Variants in PCDH7 observed in about 807,000 individuals in gnomAD.
PCDH7 encodes protocadherin 7.
Under a neutral mutation model 58.9 loss-of-function variants are expected in PCDH7, and 17 were observed. That is an observed-to-expected ratio of 0.29 (90% CI 0.20 to 0.43). The LOEUF (loss-of-function observed/expected upper bound fraction) is 0.43, where lower values mean the gene tolerates loss of function less well. Ranked by LOEUF, PCDH7 falls within the 20% of genes least tolerant of loss-of-function variation. The probability of loss-of-function intolerance (pLI) is 1.00; values close to 1 mark genes in which losing one functional copy is unlikely to be tolerated. For synonymous variants in PCDH7, 664 were observed against 616.4 expected (o/e 1.08, Z -1.14); for missense variants, 1,274 against 1,441.0 (o/e 0.88, Z 1.88).
intron 3 of PCDH7, among the ~76,000 whole-genome samples, chr4:30,997,129 A>C (rs966490980): frequency 4.0e-5 from 6 of 151,346 alleles, no homozygotes; most frequent in African/African-American, 1.5e-4. Context: ...AAAGCTTTGC[A>C]TTATTTCCAC....
intron 3 of PCDH7, among the ~76,000 whole-genome samples, chr4:30,973,458 A>G (rs972880895): frequency 1.3e-5 from 2 of 152,226 alleles, no homozygotes; most frequent in African/African-American, 4.8e-5. Context: ...TTTTGGAATA[A>G]AAGACTACCA....
chr4:31,102,191 C>A (rs992396787), intron 3 of PCDH7, among the ~76,000 whole-genome samples: 7 of 144,450 alleles, frequency 4.8e-5, no homozygotes, highest in African/African-American at 1.8e-4. Context: ...TATTATGATC[C>A]TTTTTTTTTT....
chr4:30,782,785 A>G (rs1460244774), intron 1 of PCDH7, among the ~76,000 whole-genome samples: 1 of 152,222 alleles, frequency 6.6e-6, no homozygotes, highest in Non-Finnish European at 1.5e-5. Context: ...AGCAAGGCCT[A>G]CTTGTTCAGA....
intron 2 of PCDH7, among the ~76,000 whole-genome samples, chr4:30,945,137 T>A (rs1578376780): frequency 6.6e-6 from 1 of 152,104 alleles, no homozygotes; most frequent in Non-Finnish European, 1.5e-5. Flanking sequence ...TAAATAAGAT[T>A]AATGAGCATC....
intron 1 of PCDH7, among the ~76,000 whole-genome samples, chr4:30,904,406 CCTT>C (rs1313191151): frequency 6.6e-6 from 1 of 152,158 alleles, no homozygotes; most frequent in African/African-American, 2.4e-5. Flanking sequence ...CATCCCCTGA[CCTT>C]CTTTTCTGTC....
intron 3 of PCDH7, among the ~76,000 whole-genome samples, chr4:31,096,290 TACCA>T (rs1332193335): frequency 6.6e-6 from 1 of 152,198 alleles, no homozygotes; most frequent in Non-Finnish European, 1.5e-5. Context: ...GTTTACCTTT[TACCA>T]AGTTTTGAGT....
chr4:30,813,193 A>G (rs545048820), intron 1 of PCDH7, among the ~76,000 whole-genome samples: 13 of 152,338 alleles, frequency 8.5e-5, no homozygotes, highest in African/African-American at 2.9e-4. Context: ...ATTGCAATCT[A>G]TGTTTACTAA....
chr4:30,812,558 A>G (rs1189607052), intron 1 of PCDH7, among the ~76,000 whole-genome samples: 1 of 152,172 alleles, frequency 6.6e-6, no homozygotes, highest in Non-Finnish European at 1.5e-5. Context: ...TACAATTCAT[A>G]TTGATGAATT....
intron 3 of PCDH7, among the ~76,000 whole-genome samples, chr4:30,995,824 C>T (rs910561135): frequency 6.6e-6 from 1 of 152,118 alleles, no homozygotes; most frequent in Non-Finnish European, 1.5e-5. Flanking sequence ...ACTTCTAACA[C>T]TGAATCTCCC....
At position 31,126,701 on chromosome 4, in the gene PCDH7, T is replaced by G. The variant is rs76329184; in HGVS notation, c.*8-15772T>G. ...AAGATGACAAATTAGAAAGCAGAGA[T>G]TGCCAGTTTTGTCCATCTGATGATT... On this transcript the variant is annotated intron_variant, in intron 3 of 3. Coordinates refer to the PCDH7 transcript ENST00000509759. Among the ~76,000 whole-genome samples, 838 of 152,290 alleles carry G rather than the reference T, an allele frequency of 5.5e-3. 5 individuals carry two copies. Among genetic ancestry groups the G allele is most frequent in the Non-Finnish European group, 8.8e-3 (599 of 68,022 alleles).
chr4:31,122,215 C>G (rs1717773643), intron 3 of PCDH7, among the ~76,000 whole-genome samples: 1 of 152,060 alleles, frequency 6.6e-6, no homozygotes, highest in South Asian at 2.1e-4. Context: ...TTTAATCACA[C>G]CAAATCCCCA....
chr4:30,842,933 T>C (rs1259952457), intron 1 of PCDH7, among the ~76,000 whole-genome samples: 2 of 152,154 alleles, frequency 1.3e-5, no homozygotes, highest in Non-Finnish European at 2.9e-5. Context: ...CTTATTCTAT[T>C]GTTTTCCATC....
intron 3 of PCDH7, among the ~76,000 whole-genome samples, chr4:31,126,126 CTTTT>C (rs555596051): frequency 4.7e-5 from 6 of 128,338 alleles, no homozygotes; most frequent in African/African-American, 5.8e-5. Context: ...CATATCCTTT[CTTTT>C]TTTTTTTTTT....
At chr4:30,856,469 G>C (rs1733471076) in intron 1 of PCDH7, among the ~76,000 whole-genome samples, 1 of 151,972 alleles carries the variant, frequency 6.6e-6, no homozygotes. Context: ...AATAATTCAA[G>C]ATGATAGGAT....
intron 1 of PCDH7, among the ~76,000 whole-genome samples, chr4:30,917,614 A>G (rs1742644540): frequency 6.6e-6 from 1 of 151,958 alleles, no homozygotes; most frequent in Non-Finnish European, 1.5e-5. Context: ...ATATATAAAT[A>G]GATAAAAATA....
intron 1 of PCDH7, among the ~76,000 whole-genome samples, chr4:30,728,463 C>A (rs1714967979): frequency 6.6e-6 from 1 of 151,588 alleles, no homozygotes; most frequent in African/African-American, 2.4e-5. Flanking sequence ...CACAATGAAT[C>A]TGCATATGTT....
chr4:30,838,559 A>G (rs547531897), intron 1 of PCDH7, among the ~76,000 whole-genome samples: 9 of 152,308 alleles, frequency 5.9e-5, no homozygotes, highest in African/African-American at 2.2e-4. Context: ...GTGATCTATC[A>G]GAAAGCTTAT....
At chr4:30,864,354 C>T (rs1172561774) in intron 1 of PCDH7, among the ~76,000 whole-genome samples, 1 of 151,536 alleles carries the variant, frequency 6.6e-6, no homozygotes, top group Non-Finnish European at 1.5e-5. Flanking sequence ...AATTTATAGA[C>T]TCAAATTTAA....
rs1263370871 is a variant in PCDH7, at chr4:30,984,841, A to G, written c.*7+34626A>G. ...AGAAAGCCAGCAACAGATGAGCATA[A>G]ATATGTGTAAAGAGAAATGTCCCTG... On this transcript the variant is annotated intron_variant, in intron 3 of 3. Transcript: ENST00000509759. Among the ~76,000 whole-genome samples, 3 of 152,278 alleles carry G rather than the reference A, an allele frequency of 2.0e-5. No homozygotes were observed. The East Asian group carries it at 5.8e-4, about 29-fold the overall frequency.
Sources: gnomAD v4.1 joint callset for allele counts (sites outside exome capture counted in the v4.1 genomes callset) on GRCh38, gnomAD v4.1.1 for gene constraint, MANE v1.5 for transcripts, NCBI Gene and HGNC (gene_info 2026-07-23, HGNC 2026-07-21) for gene names.